FAXC: variants seen among roughly 807,000 people sequenced by gnomAD.
FAXC encodes the protein failed axon connections homolog, metaxin like GST domain containing.
FAXC carries 10 observed loss-of-function variants against 41.9 expected under a neutral mutation model. The observed-to-expected ratio is 0.24, with a 90% CI of 0.15 to 0.41. The LOEUF (loss-of-function observed/expected upper bound fraction) is 0.41. Among genes scored for constraint, FAXC ranks in the 10% least tolerant of loss-of-function variants. FAXC has a pLI of 1.00. For missense variants in FAXC, 399 were observed against 510.9 expected (o/e 0.78, Z 2.11); for synonymous variants, 183 against 183.8 (o/e 1.00, Z 0.03).
chr6:99,346,161 A>C (rs778342339), intron 1 of FAXC, among the ~76,000 whole-genome samples: 7 of 152,230 alleles, frequency 4.6e-5, no homozygotes, highest in Non-Finnish European at 1.0e-4. Flanking sequence ...TGCCTAAATT[A>C]TAAAGACTAT....
At chr6:99,308,505 A>G (rs932812655) in intron 4 of FAXC, among the ~76,000 whole-genome samples, 4 of 152,128 alleles carry the variant, frequency 2.6e-5, no homozygotes, top group Admixed American at 1.3e-4. Flanking sequence ...CAGACCTAAC[A>G]ATGTGCATAA....
chr6:99,301,417 T>A (rs550248276), intron 4 of FAXC, among the ~76,000 whole-genome samples: 1 of 152,354 alleles, frequency 6.6e-6, no homozygotes, highest in East Asian at 1.9e-4. Flanking sequence ...ATTGCATGCT[T>A]GTATCAAAAC....
rs1307207645 is a variant in FAXC at position 99,275,754 on chromosome 6, T to C, written c.*5410A>G. 2 of 152,162 alleles carry C rather than the reference T, an allele frequency of 1.3e-5. No homozygotes were observed. Among genetic ancestry groups the C allele is most frequent in the Non-Finnish European group, 2.9e-5 (2 of 68,024 alleles). 9.4% of individuals were successfully genotyped at this position (152,162 alleles called of 1,614,324 possible). ...AACTTAAATATCCTTAAGATATTCT[T>C]GAAAGTCAGGGACCAAAAATCTGAG... On this transcript the variant is annotated 3_prime_UTR_variant, in exon 6 of 6. Transcript: ENST00000389677.
chr6:99,281,086 G>A lies in FAXC; in HGVS notation c.*78C>T, dbSNP rs561635201. 15 of 747,470 alleles carry A rather than the reference G, an allele frequency of 2.0e-5. No homozygotes were observed. Among genetic ancestry groups the A allele is most frequent in the Non-Finnish European group, 3.7e-5 (15 of 407,810 alleles). The allele number at this position is 747,470 out of a possible 1,614,324, so 46.3% of individuals were successfully genotyped here. On this transcript the variant is annotated 3_prime_UTR_variant, in exon 6 of 6. Coordinates refer to ENST00000389677, the MANE Select transcript of FAXC (RefSeq NM_032511.4). Reference sequence around the variant, plus strand: ...AAGCACGAAGATCTCCTCCCAGCTCGGATGGATTGCTACCTGGGAAAATGG... The same window carrying A: ...AAGCACGAAGATCTCCTCCCAGCTCAGATGGATTGCTACCTGGGAAAATGG...
At chr6:99,310,015 C>G in intron 4 of FAXC, 1 of 398,528 alleles carries the variant, frequency 2.5e-6, no homozygotes, top group Non-Finnish European at 3.4e-6. Flanking sequence ...CCTTCTGAAC[C>G]CCATCTGGCC....
At chr6:99,281,795 A>G (rs1770850977) in intron 5 of FAXC, among the ~76,000 whole-genome samples, 1 of 152,198 alleles carries the variant, frequency 6.6e-6, no homozygotes, top group African/African-American at 2.4e-5. Context: ...ATTTCCCACC[A>G]TGATCCTGCA....
chr6:99,314,961 C>T (rs1772285195), intron 4 of FAXC, among the ~76,000 whole-genome samples: 1 of 152,046 alleles, frequency 6.6e-6, no homozygotes, highest in South Asian at 2.1e-4. Flanking sequence ...TGGCCAGGCG[C>T]AGTGCCTCAC....
At chr6:99,310,802 T>C (rs1772126324) in intron 4 of FAXC, among the ~76,000 whole-genome samples, 1 of 152,252 alleles carries the variant, frequency 6.6e-6, no homozygotes, top group Non-Finnish European at 1.5e-5. Context: ...TGCCTGGTTC[T>C]GAAGGCTTTT....
intron 4 of FAXC, among the ~76,000 whole-genome samples, chr6:99,294,528 G>A (rs982756598): frequency 6.6e-6 from 1 of 152,218 alleles, no homozygotes; most frequent in Non-Finnish European, 1.5e-5. Context: ...GGACCACTAT[G>A]AGAAGGGCTA....
rs10527054 is a variant in FAXC, at chr6:99,272,146, ATGTGTGTGTGTG to A, written c.*9006_*9017del. The A allele has an allele frequency of 0.015, 2,111 of 143,874 alleles. 24 individuals carry two copies. The highest frequency in any genetic ancestry group is 0.033 in the South Asian group (141 of 4,240). 8.9% of individuals were successfully genotyped at this position (143,874 alleles called of 1,614,324 possible). A position where few individuals can be genotyped will look rare whatever the true frequency, so the allele number is the denominator to read the frequency against. ...AGGTATGAAAACTAATTGAGACTAT[ATGTGTGTGTGTG>A]TGTGTGTGTGTGTGTGTGTGTGTGT... On this transcript the variant is annotated 3_prime_UTR_variant, in exon 6 of 6. Coordinates refer to ENST00000389677, the MANE Select transcript of FAXC (RefSeq NM_032511.4).
chr6:99,315,664 G>C (rs569092482), intron 4 of FAXC, among the ~76,000 whole-genome samples: 39 of 152,268 alleles, frequency 2.6e-4, no homozygotes, highest in African/African-American at 9.4e-4. Flanking sequence ...CACTTGCACA[G>C]CCCATTACTA....
chr6:99,276,181 G>T lies in FAXC; in HGVS notation c.*4983C>A, dbSNP rs991998310. On this transcript the variant is annotated 3_prime_UTR_variant, in exon 6 of 6. Coordinates refer to ENST00000389677, the MANE Select transcript of FAXC (RefSeq NM_032511.4). The stretch of plus-strand genomic sequence containing the variant: ...AAAAAACCCTAAAAGAAAGAAAGAA[G>T]AATAACCTGAGTTGTTCCCTATCAA... The T allele has an allele frequency of 7.3e-5, 11 of 149,874 alleles. No individual in the cohort carries two copies. Among genetic ancestry groups the T allele is most frequent in the Non-Finnish European group, 1.0e-4 (7 of 67,462 alleles). 9.3% of individuals were successfully genotyped at this position (149,874 alleles called of 1,614,324 possible). A position where few individuals can be genotyped will look rare whatever the true frequency, so the allele number is the denominator to read the frequency against.
chr6:99,319,123 C>T (rs993090150), intron 4 of FAXC, among the ~76,000 whole-genome samples: 1 of 152,134 alleles, frequency 6.6e-6, no homozygotes, highest in Admixed American at 6.5e-5. Context: ...CCCGGCCGGG[C>T]GCGGTGGCTC....
At chr6:99,313,105 C>A (rs539005939) in intron 4 of FAXC, among the ~76,000 whole-genome samples, 13 of 152,238 alleles carry the variant, frequency 8.5e-5, no homozygotes, top group African/African-American at 3.1e-4. Flanking sequence ...CCAGCCTGGG[C>A]AACATGGCAA....
chr6:99,328,255 T>G (rs1453940107), intron 3 of FAXC, among the ~76,000 whole-genome samples: 1 of 152,174 alleles, frequency 6.6e-6, no homozygotes, highest in African/African-American at 2.4e-5. Flanking sequence ...ACCCCCAGTG[T>G]GTTGGTATGT....
chr6:99,304,216 G>A (rs1276203292), intron 4 of FAXC, among the ~76,000 whole-genome samples: 2 of 152,068 alleles, frequency 1.3e-5, no homozygotes, highest in Non-Finnish European at 2.9e-5. Context: ...AATCCAGGAG[G>A]CAGAGGTTGC....
chr6:99,314,239 C>A (rs1010354781), intron 4 of FAXC, among the ~76,000 whole-genome samples: 1 of 152,040 alleles, frequency 6.6e-6, no homozygotes, highest in East Asian at 1.9e-4. Context: ...AACCCTCCCC[C>A]TCTACACATA....
chr6:99,325,602 T>C (rs969507946), intron 3 of FAXC, among the ~76,000 whole-genome samples: 2 of 152,256 alleles, frequency 1.3e-5, no homozygotes, highest in African/African-American at 4.8e-5. Context: ...AAATTCTATA[T>C]AGACATGGAA....
At chr6:99,291,294 T>C (rs967865551) in intron 5 of FAXC, among the ~76,000 whole-genome samples, 2 of 152,198 alleles carry the variant, frequency 1.3e-5, no homozygotes, top group Admixed American at 6.5e-5. Context: ...CCGTAGTTGA[T>C]GTAGCTGGAT....
Sources: allele counts gnomAD v4.1 joint callset (sites outside exome capture counted in the v4.1 genomes callset), GRCh38; gene constraint gnomAD v4.1.1; transcripts MANE v1.5; gene names NCBI Gene and HGNC (gene_info 2026-07-23, HGNC 2026-07-21).